CTNNA2: variants seen among roughly 807,000 people sequenced by gnomAD.
CTNNA2 encodes catenin alpha-2.
Under a neutral mutation model 101.0 loss-of-function variants are expected in CTNNA2, and 42 were observed. The observed-to-expected ratio is 0.42, with a 90% CI of 0.32 to 0.54. The LOEUF is 0.54. Ranked by LOEUF, CTNNA2 falls within the 20% of genes least tolerant of loss-of-function variation. The pLI is 0.14. For missense variants in CTNNA2, 871 were observed against 1,223.1 expected (o/e 0.71, Z 4.29); for synonymous variants, 450 against 456.4 (o/e 0.99, Z 0.18).
intron 3 of CTNNA2, among the ~76,000 whole-genome samples, chr2:79,850,906 T>C (rs1680650988): frequency 6.6e-6 from 1 of 152,192 alleles, no homozygotes; most frequent in African/African-American, 2.4e-5. Context: ...TCCAGATAGA[T>C]ACAGCCTAAT....
chr2:79,365,568 G>A (rs372169105), intron 3 of CTNNA2, among the ~76,000 whole-genome samples: 2 of 150,760 alleles, frequency 1.3e-5, no homozygotes, highest in South Asian at 2.1e-4. Flanking sequence ...TCAGACTGTG[G>A]TGAGCTATGA....
chr2:79,351,243 C>T, intron 3 of CTNNA2, among the ~76,000 whole-genome samples: 1 of 152,068 alleles, frequency 6.6e-6, no homozygotes, highest in African/African-American at 2.4e-5. Flanking sequence ...AGGTTTTCTG[C>T]TAGAATTTGT....
intron 2 of CTNNA2, among the ~76,000 whole-genome samples, chr2:79,672,271 A>G (rs1375031782): frequency 6.6e-6 from 1 of 152,200 alleles, no homozygotes; most frequent in Non-Finnish European, 1.5e-5. Flanking sequence ...TGGCATCATG[A>G]AAAGGTAACC....
chr2:80,361,777 C>A (rs915290629), intron 7 of CTNNA2, among the ~76,000 whole-genome samples: 1 of 151,994 alleles, frequency 6.6e-6, no homozygotes, highest in African/African-American at 2.4e-5. Flanking sequence ...CTCCTTCCCC[C>A]CAAAACCTCT....
chr2:80,206,884 G>A (rs892677182), intron 7 of CTNNA2, among the ~76,000 whole-genome samples: 1 of 152,186 alleles, frequency 6.6e-6, no homozygotes, highest in African/African-American at 2.4e-5. Context: ...AACAGAAGCT[G>A]GTCTGGAGAA....
At chr2:79,605,415 GAA>G (rs780941570) in intron 1 of CTNNA2, among the ~76,000 whole-genome samples, 2 of 152,040 alleles carry the variant, frequency 1.3e-5, no homozygotes, top group Non-Finnish European at 2.9e-5. Context: ...TGAATTTGAT[GAA>G]GACTATAAAA....
intron 2 of CTNNA2, among the ~76,000 whole-genome samples, chr2:79,218,353 T>TGTGTGTGTA (rs1305328019): frequency 3.4e-3 from 103 of 30,182 alleles, no homozygotes; most frequent in Non-Finnish European, 2.6e-3. Flanking sequence ...GTGTGTGTAT[T>TGTGTGTGTA]TTTTTTTTTT....
At chr2:79,708,076 A>T (rs1018929541) in intron 2 of CTNNA2, among the ~76,000 whole-genome samples, 2 of 152,200 alleles carry the variant, frequency 1.3e-5, no homozygotes, top group South Asian at 4.1e-4. Context: ...AAACATTCTA[A>T]AAATGCCCAA....
In CTNNA2 at chr2:80,172,522, C is replaced by G. The variant is rs114968304; in HGVS notation, c.1057-220689C>G. Among the ~76,000 whole-genome samples the G allele has an allele frequency of 3.6e-3, 546 of 152,284 alleles. 2 individuals carry two copies. Among genetic ancestry groups the G allele is most frequent in the African/African-American group, 0.013 (525 of 41,560 alleles). On this transcript the variant is annotated intron_variant, in intron 7 of 18. Coordinates refer to ENST00000402739, the MANE Select transcript of CTNNA2 (RefSeq NM_001282597.3). ...CTAAAGACCAATAGCATCAGCATCACCTGGGAGTTTGTTAGAAATTCAGAA... is the reference window on the plus strand; with the variant it reads ...CTAAAGACCAATAGCATCAGCATCAGCTGGGAGTTTGTTAGAAATTCAGAA...
intron 2 of CTNNA2, among the ~76,000 whole-genome samples, chr2:79,265,813 A>G (rs548863987): frequency 9.2e-5 from 14 of 152,310 alleles, no homozygotes; most frequent in South Asian, 6.2e-4. Flanking sequence ...GTCAGTCTGG[A>G]TTTCAGCTAT....
At chr2:79,963,957 T>C (rs1689841906) in intron 7 of CTNNA2, among the ~76,000 whole-genome samples, 1 of 152,208 alleles carries the variant, frequency 6.6e-6, no homozygotes, top group Admixed American at 6.5e-5. Flanking sequence ...TTGTTATTGC[T>C]GGTAATTTCA....
intron 7 of CTNNA2, among the ~76,000 whole-genome samples, chr2:80,066,059 T>C (rs1013823854): frequency 2.6e-5 from 4 of 152,198 alleles, no homozygotes; most frequent in Non-Finnish European, 5.9e-5. Flanking sequence ...TGGTAGCCAG[T>C]GTTCAGGATG....
At chr2:80,215,852 C>T (rs1426174078) in intron 7 of CTNNA2, among the ~76,000 whole-genome samples, 1 of 152,180 alleles carries the variant, frequency 6.6e-6, no homozygotes, top group African/African-American at 2.4e-5. Context: ...TATGCCCTGC[C>T]CCCAGAGGTG....
intron 6 of CTNNA2, among the ~76,000 whole-genome samples, chr2:79,887,956 C>G (rs1684010947): frequency 6.6e-6 from 1 of 152,274 alleles, no homozygotes; most frequent in African/African-American, 2.4e-5. Flanking sequence ...CCAAACAAAG[C>G]ATTAAGAAAC....
chr2:80,387,840 A>G (rs1237368725), intron 7 of CTNNA2, among the ~76,000 whole-genome samples: 2 of 152,222 alleles, frequency 1.3e-5, no homozygotes, highest in African/African-American at 4.8e-5. Flanking sequence ...TAAAACAAAT[A>G]AAGTTTAATA....
rs540760867 is a variant in CTNNA2, at chr2:80,577,325, G to GA, written c.1893+3014dup. 8.6e-4 allele frequency among the ~76,000 whole-genome samples: 131 copies of GA among 152,242 alleles called. 4 individuals carry two copies. In the South Asian group the frequency reaches 0.027, roughly 31 times the overall value. ...AGCTTCTGGTGGGCATGGATCTCAT[G>GA]AAAGGAGGTACCTGGGTGGCATTTG... On this transcript the variant is annotated intron_variant, in intron 13 of 18. Transcript: ENST00000402739.
intron 2 of CTNNA2, among the ~76,000 whole-genome samples, chr2:79,250,946 C>T (rs908841946): frequency 3.3e-5 from 5 of 152,118 alleles, no homozygotes; most frequent in African/African-American, 7.2e-5. Context: ...AATAACTACC[C>T]CAGGCTCATT....
intron 7 of CTNNA2, among the ~76,000 whole-genome samples, chr2:80,180,827 G>A (rs1705731154): frequency 6.6e-6 from 1 of 152,144 alleles, no homozygotes; most frequent in African/African-American, 2.4e-5. Flanking sequence ...GCAGGCATTT[G>A]CAGCTTGCTC....
chr2:80,335,432 G>A (rs1304740006), intron 7 of CTNNA2, among the ~76,000 whole-genome samples: 1 of 152,172 alleles, frequency 6.6e-6, no homozygotes, highest in African/African-American at 2.4e-5. Flanking sequence ...GCCTTATCCT[G>A]TAGGTAGCTT....
Sources: allele counts gnomAD v4.1 joint callset (sites outside exome capture counted in the v4.1 genomes callset), GRCh38; gene constraint gnomAD v4.1.1; transcripts MANE v1.5; gene names NCBI Gene and HGNC (gene_info 2026-07-23, HGNC 2026-07-21).